The following ARID1B variants were observed in gnomAD, a reference collection of about 807,000 sequenced individuals.
The protein encoded by ARID1B is AT-rich interaction domain 1B, also known as AT-rich interactive domain-containing protein 1B.
In ARID1B, 30 loss-of-function variants were observed where a neutral mutation model predicts 212.3. The ratio of observed to expected loss-of-function variants is 0.14; its 90% CI spans 0.11 to 0.19. The LOEUF (loss-of-function observed/expected upper bound fraction) is 0.19, where lower values mean the gene tolerates loss of function less well. Among genes scored for constraint, ARID1B ranks in the 10% least tolerant of loss-of-function variants. The pLI, the probability that ARID1B is intolerant of heterozygous loss-of-function variation, is 1.00. For synonymous variants in ARID1B, 1,402 were observed against 1,301.7 expected (o/e 1.08, Z -1.66); for missense variants, 2,891 against 3,204.0 (o/e 0.90, Z 2.36).
rs554682303 is a variant in ARID1B, at chr6:157,185,478, A to G, written c.3919+1043A>G. 6.5e-4 allele frequency: 99 copies of G among 152,332 alleles called. 2 individuals carry two copies. The highest frequency in any genetic ancestry group is 2.2e-3 in the African/African-American group (93 of 41,566). The allele number at this position is 152,332 out of a possible 1,614,324, so 9.4% of individuals were successfully genotyped here. On this transcript the variant is annotated intron_variant, in intron 13 of 19. Coordinates refer to ENST00000636930, the MANE Select transcript of ARID1B (RefSeq NM_001374828.1). ...TGTGCTGGGCCCTTTTCTAAGTGCTATCATTTCATTTTCACATCAGCCCTG... is the reference window on the plus strand; with the variant it reads ...TGTGCTGGGCCCTTTTCTAAGTGCTGTCATTTCATTTTCACATCAGCCCTG...
chr6:156,910,730 T>C (rs1448967132), intron 3 of ARID1B, among the ~76,000 whole-genome samples: 1 of 152,240 alleles, frequency 6.6e-6, no homozygotes, highest in Non-Finnish European at 1.5e-5. Flanking sequence ...GGTAGTTTCA[T>C]GTTTTCTAGT....
intron 4 of ARID1B, among the ~76,000 whole-genome samples, chr6:156,956,207 T>C (rs1174994310): frequency 1.3e-5 from 2 of 151,992 alleles, no homozygotes; most frequent in Non-Finnish European, 2.9e-5. Flanking sequence ...AAAAAGACAT[T>C]CTTTTTTGAA....
rs1157864673 is a variant in ARID1B at position 157,167,204 on chromosome 6, C to T, written c.3235+19C>T. ...TCGGCAGGTAACCTTGGCAGCTCTG[C>T]GCTCCTGAGCCCCTCTCTCTCCCCT... On this transcript the variant is annotated intron_variant, in intron 9 of 19. Coordinates refer to ENST00000636930, the MANE Select transcript of ARID1B (RefSeq NM_001374828.1). 5.0e-6 allele frequency: 8 copies of T among 1,599,324 alleles called. No homozygotes were observed. The highest frequency in any genetic ancestry group is 6.8e-6 in the Non-Finnish European group (8 of 1,177,916).
At chr6:157,102,604 CTTTTTTTT>C (rs35977420) in intron 5 of ARID1B, among the ~76,000 whole-genome samples, 46 of 66,276 alleles carry the variant, frequency 6.9e-4, no homozygotes, top group South Asian at 6.3e-3. Flanking sequence ...CTGAGTGGTT[CTTTTTTTT>C]TTTTTTTTTT....
intron 5 of ARID1B, among the ~76,000 whole-genome samples, chr6:157,085,524 A>G (rs1784910256): frequency 6.6e-6 from 1 of 151,806 alleles, no homozygotes; most frequent in Non-Finnish European, 1.5e-5. Context: ...GAGGTTATTT[A>G]TTTGGTTATT....
chr6:157,114,792 G>A (rs1386749936), intron 6 of ARID1B, among the ~76,000 whole-genome samples: 1 of 152,164 alleles, frequency 6.6e-6, no homozygotes, highest in Non-Finnish European at 1.5e-5. Flanking sequence ...GACAAGAGAT[G>A]ATGGAGAGTG....
rs200808642 is a variant in ARID1B, at chr6:156,778,394, G to A, written c.714G>A (p.Glu238=). ...CGCCTCAGCCCGGCCCCGACATGGA[G>A]CAGCCGCAACATGGAGGCGCCAAGG... The part of the protein sequence containing the change: ...GGAPQPGPDM[E]QPQHGGAKDS... The change falls in exon 1 of 20, where the codon GAG becomes GAA. Residue 238 remains glutamate, a synonymous_variant. Transcript: ENST00000636930. The A allele has an allele frequency of 1.2e-4, 186 of 1,534,400 alleles. 4 individuals are homozygous for A. The South Asian group carries it at 2.0e-3, about 17-fold the overall frequency.
At chr6:157,120,804 TC>T (rs1275045486) in intron 6 of ARID1B, among the ~76,000 whole-genome samples, 6 of 152,248 alleles carry the variant, frequency 3.9e-5, no homozygotes, top group Admixed American at 2.0e-4. Flanking sequence ...TTCGGTGGCT[TC>T]TGTTGCCTTG....
rs969426947 is a variant in ARID1B at position 157,017,991 on chromosome 6, G to C, written c.2248-66671G>C. On this transcript the variant is annotated intron_variant, in intron 4 of 19. Coordinates refer to ENST00000636930, the MANE Select transcript of ARID1B (RefSeq NM_001374828.1). ...AAAAAAAAAAAAAAAAATTAGCTGG[G>C]CATGGTGTCATGTGCTTGTAGTCCC... Among the ~76,000 whole-genome samples, 6 of 146,674 alleles carry C rather than the reference G, an allele frequency of 4.1e-5. No homozygotes were observed. In the Admixed American group the frequency reaches 4.1e-4, roughly 10 times the overall value.
intron 1 of ARID1B, among the ~76,000 whole-genome samples, chr6:156,791,744 A>G (rs2115195862): frequency 6.6e-6 from 1 of 152,212 alleles, no homozygotes; most frequent in East Asian, 1.9e-4. Context: ...GAAAATACCC[A>G]CCGTCTGTTC....
At position 156,778,671 on chromosome 6, in the gene ARID1B, G is replaced by T. The variant is rs1778881871; in HGVS notation, c.991G>T (p.Ala331Ser). 16 of 1,499,272 alleles carry T rather than the reference G, an allele frequency of 1.1e-5. No individual in the cohort carries two copies. The highest frequency in any genetic ancestry group is 1.3e-5 in the Non-Finnish European group (15 of 1,123,190). 92.9% of individuals were successfully genotyped at this position (1,499,272 alleles called of 1,614,324 possible). A position where few individuals can be genotyped will look rare whatever the true frequency, so the allele number is the denominator to read the frequency against. Reference sequence around the variant, plus strand: ...TGCGAGCGGCGGCCCCGGCGGCCGCGCTGGGCCTTGCTTTGATCAACATGG... The same window carrying T: ...TGCGAGCGGCGGCCCCGGCGGCCGCTCTGGGCCTTGCTTTGATCAACATGG... ...APASGGPGGR[A>S]GPCFDQHGGQ... The change falls in exon 1 of 20, where the codon GCT becomes TCT. Residue 331 changes from alanine (A) to serine (S), a missense_variant. Physicochemically the swap from Ala to Ser is moderately conservative, Grantham distance 99. Around this residue, in one of 7 missense-constraint regions of ARID1B, gnomAD observed 1,643 missense variants for 1,544.0 expected, o/e 1.06. Coordinates refer to ENST00000636930, the MANE Select transcript of ARID1B (RefSeq NM_001374828.1).
intron 4 of ARID1B, among the ~76,000 whole-genome samples, chr6:156,963,610 A>G (rs1384652679): frequency 6.6e-6 from 1 of 152,234 alleles, no homozygotes; most frequent in Non-Finnish European, 1.5e-5. Context: ...TTTAGTGTTC[A>G]GAATGATACT....
chr6:156,910,205 A>G (rs1789755516), intron 3 of ARID1B, among the ~76,000 whole-genome samples: 1 of 152,208 alleles, frequency 6.6e-6, no homozygotes, highest in African/African-American at 2.4e-5. Context: ...GCTGTTCTAA[A>G]TGAAGTATCT....
intron 4 of ARID1B, among the ~76,000 whole-genome samples, chr6:157,058,020 T>C (rs1783077589): frequency 6.6e-6 from 1 of 152,196 alleles, no homozygotes; most frequent in South Asian, 2.1e-4. Flanking sequence ...GGAACTCATG[T>C]GACTACAAGA....
Position 157,148,951 on chromosome 6 carries a change from G to GGTAC in ARID1B, c.3089+2_3089+5dup, listed in dbSNP as rs1790000984. Reference sequence around the variant, plus strand: ...GCTGCTGCGAACTCAGCACAAAGCAGGTACGCCACCCAGGAGCACGCCCCG... The same window carrying GGTAC: ...GCTGCTGCGAACTCAGCACAAAGCAGGTACGTACGCCACCCAGGAGCACGCCCCG... On this transcript the variant is annotated frameshift_variant and splice_region_variant. Transcript: ENST00000636930. LOFTEE classifies it high-confidence loss of function. The surrounding 1 kb of genome is among the most constrained non-coding windows in gnomAD (Gnocchi z 5.6). 4.4e-6 allele frequency: 7 copies of GGTAC among 1,608,296 alleles called. No individual in the cohort carries two copies. The East Asian group carries it at 1.3e-4, about 31-fold the overall frequency.
Position 157,122,714 on chromosome 6 carries a change from C to T in ARID1B, c.2582-10314C>T, listed in dbSNP as rs552980143. 1.5e-3 allele frequency among the ~76,000 whole-genome samples: 231 copies of T among 152,206 alleles called. 1 individual carries two copies. Among genetic ancestry groups the T allele is most frequent in the South Asian group, 6.9e-3 (33 of 4,812 alleles). On this transcript the variant is annotated intron_variant, in intron 6 of 19. Coordinates refer to ENST00000636930, the MANE Select transcript of ARID1B (RefSeq NM_001374828.1). ...CTTTTTTTTTGAGACAGAGTCTCAC[C>T]CTGTCCCAGGCTAGAGTACAGTGGC...
chr6:157,179,457 T>C (rs1452563263), intron 11 of ARID1B, among the ~76,000 whole-genome samples: 3 of 152,156 alleles, frequency 2.0e-5, no homozygotes, highest in Non-Finnish European at 2.9e-5. Flanking sequence ...AGTGTACATA[T>C]GGGTTTATAG....
chr6:157,152,924 C>T (rs902334107), intron 8 of ARID1B, among the ~76,000 whole-genome samples: 3 of 152,164 alleles, frequency 2.0e-5, no homozygotes, highest in Non-Finnish European at 4.4e-5. Flanking sequence ...CCCAAAGGAC[C>T]TAGAGCCCAT....
chr6:157,099,429 G>T (rs1785905599), intron 5 of ARID1B, among the ~76,000 whole-genome samples: 1 of 152,064 alleles, frequency 6.6e-6, no homozygotes, highest in South Asian at 2.1e-4. Flanking sequence ...GGGTATTAGT[G>T]ATCAGACTAT....
Sources: gnomAD v4.1 joint callset for allele counts (sites outside exome capture counted in the v4.1 genomes callset) on GRCh38, gnomAD v4.1.1 for gene constraint, gnomAD v4.1.1 regional missense constraint, Gnocchi (gnomAD v3.1) non-coding constraint, MANE v1.5 for transcripts, NCBI Gene and HGNC (gene_info 2026-07-23, HGNC 2026-07-21) for gene names.